The following GALNT16 variants were observed in gnomAD, a reference collection of about 807,000 sequenced individuals.
The protein encoded by GALNT16 is polypeptide N-acetylgalactosaminyltransferase 16.
In GALNT16, 40 loss-of-function variants were observed where a neutral mutation model predicts 76.1. The ratio of observed to expected loss-of-function variants is 0.53; its 90% CI spans 0.41 to 0.68. The LOEUF (loss-of-function observed/expected upper bound fraction) is 0.68. GALNT16 is among the 30% of genes least tolerant of loss of function. The pLI is 0.00. For missense variants in GALNT16, 621 were observed against 731.9 expected, an observed-to-expected ratio of 0.85 and a Z score of 1.75; for synonymous variants, 276 against 285.2, an observed-to-expected ratio of 0.97 and a Z score of 0.32.
At chr14:69,297,942 G>A (rs2044791551) in intron 1 of GALNT16, among the ~76,000 whole-genome samples, 1 of 152,188 alleles carries the variant, frequency 6.6e-6, no homozygotes, top group Non-Finnish European at 1.5e-5. Flanking sequence ...GAAACAGTTT[G>A]TTGGTCGGTA....
chr14:69,359,974 G>A (rs1352736725), downstream of GALNT16, among the ~76,000 whole-genome samples: 3 of 151,758 alleles, frequency 2.0e-5, no homozygotes, highest in Non-Finnish European at 4.4e-5. Context: ...GCAGTGAGCC[G>A]AGATTGTGTC....
In GALNT16 at chr14:69,341,894, T is replaced by A. The variant is rs116974371; in HGVS notation, c.1271+130T>A. 2.9e-3 allele frequency: 1,911 copies of A among 668,120 alleles called. 7 individuals carry two copies. Among genetic ancestry groups the A allele is most frequent in the Non-Finnish European group, 4.5e-3 (1,633 of 365,134 alleles). 41.4% of individuals were successfully genotyped at this position (668,120 alleles called of 1,614,324 possible). A position where few individuals can be genotyped will look rare whatever the true frequency, so the allele number is the denominator to read the frequency against. On this transcript the variant is annotated intron_variant, in intron 12 of 14. Transcript: ENST00000448469. ...CTGGCTTTCTAGCTGCCGGGTTTTA[T>A]CTTCACGTGACGGCTGTGGGGGAAC...
chr14:69,296,651 C>G (rs2044763331), intron 1 of GALNT16, among the ~76,000 whole-genome samples: 1 of 152,056 alleles, frequency 6.6e-6, no homozygotes, highest in Non-Finnish European at 1.5e-5. Flanking sequence ...CGAGATCACA[C>G]CACTGCACTC....
chr14:69,345,718 G>A (rs1301553452), intron 12 of GALNT16, among the ~76,000 whole-genome samples: 1 of 151,588 alleles, frequency 6.6e-6, no homozygotes, highest in South Asian at 2.1e-4. Context: ...GTGTGTGTGT[G>A]TGTGTGTGTG....
intron 6 of GALNT16, among the ~76,000 whole-genome samples, chr14:69,330,900 G>A (rs914454301): frequency 1.3e-5 from 2 of 152,120 alleles, no homozygotes; most frequent in African/African-American, 2.4e-5. Flanking sequence ...GGGGAGTGGC[G>A]AGTCTGACCT....
Position 69,320,760 on chromosome 14 carries a change from C to A in GALNT16, c.227C>A (p.Ala76Asp). 6.2e-7 allele frequency: 1 copy of A among 1,614,128 alleles called. No homozygotes were observed. Among genetic ancestry groups the A allele is most frequent in the Non-Finnish European group, 8.5e-7 (1 of 1,180,004 alleles). Residue 76 changes from alanine (A) to aspartate (D), a missense_variant, in exon 2 of 15, where the codon GCC becomes GAC. Transcript: ENST00000448469. Reference protein sequence around the residue: ...KGFDEKAYLSAKQLKAGEDPY... With the variant: ...KGFDEKAYLSDKQLKAGEDPY... ...TTTGATGAGAAGGCCTACCTGTCGG[C>A]CAAGCAGCTGAAGGCTGGAGAGGAC...
At chr14:69,286,455 C>G (rs1384750753) in intron 1 of GALNT16, among the ~76,000 whole-genome samples, 2 of 152,080 alleles carry the variant, frequency 1.3e-5, no homozygotes, top group Non-Finnish European at 2.9e-5. Context: ...AGGTGCCTGC[C>G]ACCACGCCTG....
At chr14:69,320,085 A>ACCG (rs2045154620) in intron 1 of GALNT16, among the ~76,000 whole-genome samples, 1 of 140,382 alleles carries the variant, frequency 7.1e-6, no homozygotes, top group Admixed American at 7.8e-5. Flanking sequence ...TCCAGGACTC[A>ACCG]CCCCCCCAAT....
At chr14:69,266,220 G>A (rs980242919) in intron 1 of GALNT16, among the ~76,000 whole-genome samples, 3 of 152,116 alleles carry the variant, frequency 2.0e-5, no homozygotes, top group Admixed American at 1.3e-4. Context: ...ACAAACATTC[G>A]ATGGGGAAAA....
chr14:69,276,941 G>A (rs1004283874), intron 1 of GALNT16, among the ~76,000 whole-genome samples: 1 of 152,134 alleles, frequency 6.6e-6, no homozygotes, highest in South Asian at 2.1e-4. Flanking sequence ...TGTCACGCAC[G>A]TGGCACTGTG....
chr14:69,317,180 G>A (rs1432002559), intron 1 of GALNT16, among the ~76,000 whole-genome samples: 1 of 152,164 alleles, frequency 6.6e-6, no homozygotes, highest in African/African-American at 2.4e-5. Flanking sequence ...AGCTCCTCAT[G>A]GTCCTGCAGC....
At chr14:69,265,177 C>T (rs982649912) in intron 1 of GALNT16, among the ~76,000 whole-genome samples, 3 of 151,408 alleles carry the variant, frequency 2.0e-5, no homozygotes, top group Non-Finnish European at 2.9e-5. Flanking sequence ...TGGGCCATTT[C>T]GAGACCTGCC....
chr14:69,343,066 T>C (rs533049215), intron 12 of GALNT16, among the ~76,000 whole-genome samples: 2 of 152,348 alleles, frequency 1.3e-5, no homozygotes, highest in Admixed American at 1.3e-4. Context: ...GTGCCTGTCA[T>C]AAAATGGGCA....
chr14:69,295,966 C>T (rs758750057), intron 1 of GALNT16, among the ~76,000 whole-genome samples: 4 of 152,126 alleles, frequency 2.6e-5, no homozygotes, highest in Admixed American at 2.0e-4. Flanking sequence ...TTATGCATAT[C>T]GTTATCAGTC....
chr14:69,343,663 C>T (rs934298572), intron 12 of GALNT16, among the ~76,000 whole-genome samples: 6 of 152,238 alleles, frequency 3.9e-5, no homozygotes, highest in African/African-American at 7.2e-5. Context: ...ACTGTGTCAG[C>T]GTTCATACAA....
intron 14 of GALNT16, chr14:69,351,501 AAC>A: frequency 6.6e-6 from 1 of 152,532 alleles, no homozygotes; most frequent in Admixed American, 6.5e-5. Context: ...TCTGGACAGG[AAC>A]TTCTGCAAAC....
rs779585652 is a variant in GALNT16 at position 69,347,192 on chromosome 14, C to CGGGTA, written c.1413+14_1413+18dup. ...CCGCAGCCCGCCCAGGTAAGGACCT[C>CGGGTA]GGGTAGGAATGGGAGTGGGAGAGAG... On this transcript the variant is annotated intron_variant, in intron 13 of 14. Transcript: ENST00000448469. 1.0e-4 allele frequency: 159 copies of CGGGTA among 1,597,032 alleles called. 1 individual carries two copies. The South Asian group carries it at 1.8e-3, about 18-fold the overall frequency.
chr14:69,325,898 G>A, intron 4 of GALNT16, 64 bp from the exon 5 acceptor site: 1 of 1,333,256 alleles, frequency 7.5e-7, no homozygotes, highest in Non-Finnish European at 1.1e-6. Flanking sequence ...TTTCATGGCA[G>A]CCAAACCACT....
intron 1 of GALNT16, among the ~76,000 whole-genome samples, chr14:69,265,185 G>T (rs1415428845): frequency 6.6e-6 from 1 of 152,128 alleles, no homozygotes; most frequent in Non-Finnish European, 1.5e-5. Context: ...TTCGAGACCT[G>T]CCTCTGGGAC....
Sources: allele counts gnomAD v4.1 joint callset (sites outside exome capture counted in the v4.1 genomes callset), GRCh38; gene constraint gnomAD v4.1.1; transcripts MANE v1.5; gene names NCBI Gene and HGNC (gene_info 2026-07-23, HGNC 2026-07-21).